Variants in EPB41L3 observed in about 807,000 individuals in gnomAD.
EPB41L3 encodes the protein band 4.1-like protein 3.
A neutral mutation model predicts 127.1 loss-of-function variants in EPB41L3; 57 were observed. That is an observed-to-expected ratio of 0.45 (90% CI 0.36 to 0.56). EPB41L3 has a LOEUF of 0.56. EPB41L3 is among the 20% of genes least tolerant of loss of function. The probability of loss-of-function intolerance (pLI) is 0.00; values close to 1 mark genes in which losing one functional copy is unlikely to be tolerated. For missense variants in EPB41L3, 1,273 were observed against 1,372.2 expected, an observed-to-expected ratio of 0.93 and a Z score of 1.14; for synonymous variants, 572 against 549.5, an observed-to-expected ratio of 1.04 and a Z score of -0.57.
intron 12 of EPB41L3, among the ~76,000 whole-genome samples, chr18:5,416,627 G>A (rs1279116091): frequency 1.3e-5 from 2 of 152,178 alleles, no homozygotes; most frequent in African/African-American, 4.8e-5. Context: ...AGAACAGAAG[G>A]TATTTGTGGG....
chr18:5,418,039 G>A (rs1449780553), intron 12 of EPB41L3, among the ~76,000 whole-genome samples: 5 of 152,156 alleles, frequency 3.3e-5, no homozygotes, highest in African/African-American at 1.2e-4. Context: ...TACCCTCTGC[G>A]TTACTTTTTG....
chr18:5,533,217 ACACGGC>A (rs1422486595), intron 1 of EPB41L3, among the ~76,000 whole-genome samples: 1 of 152,192 alleles, frequency 6.6e-6, no homozygotes, highest in Admixed American at 6.5e-5. Flanking sequence ...TTGCGCCAAG[ACACGGC>A]CATGCTGTCA....
intron 11 of EPB41L3, among the ~76,000 whole-genome samples, chr18:5,422,623 A>G (rs1301597188): frequency 6.6e-6 from 1 of 152,236 alleles, no homozygotes; most frequent in Admixed American, 6.5e-5. Context: ...ATTCAGTTCC[A>G]GAGTATTGTT....
At chr18:5,595,554 A>C (rs1456093589) in intron 3 of EPB41L3, among the ~76,000 whole-genome samples, 1 of 152,198 alleles carries the variant, frequency 6.6e-6, no homozygotes, top group Non-Finnish European at 1.5e-5. Context: ...ATTTCCTGGC[A>C]GAAGGAATCT....
chr18:5,572,374 A>G (rs1486021257), intron 3 of EPB41L3, among the ~76,000 whole-genome samples: 2 of 152,162 alleles, frequency 1.3e-5, no homozygotes, highest in East Asian at 1.9e-4. Context: ...TTTGCTTCCC[A>G]TATTTTCTTT....
intron 13 of EPB41L3, 71 bp from the exon 14 acceptor site, chr18:5,410,690 C>T (rs1264488323): frequency 1.7e-5 from 21 of 1,250,204 alleles, no homozygotes; most frequent in South Asian, 2.5e-5. Context: ...TGGTTAAACA[C>T]GCTCTGGCAC....
chr18:5,410,543 C>T (rs1181912774), intron 14 of EPB41L3, 23 bp downstream of exon 14: 2 of 1,606,024 alleles, frequency 1.2e-6, no homozygotes, highest in East Asian at 2.2e-5. Flanking sequence ...CCACTACCAG[C>T]CACTCTCAGC....
chr18:5,414,707 C>T (rs2076587818), intron 13 of EPB41L3, among the ~76,000 whole-genome samples: 1 of 152,166 alleles, frequency 6.6e-6, no homozygotes, highest in South Asian at 2.1e-4. Context: ...GCGCGCATGA[C>T]AGCAGCCAGG....
chr18:5,571,246 A>T (rs1258699222), intron 3 of EPB41L3, among the ~76,000 whole-genome samples: 1 of 152,240 alleles, frequency 6.6e-6, no homozygotes, highest in Non-Finnish European at 1.5e-5. Flanking sequence ...GTTGAATTAA[A>T]TTCTATTTTC....
intron 3 of EPB41L3, chr18:5,567,326 C>T (rs899303105): frequency 6.6e-6 from 1 of 152,254 alleles, no homozygotes; most frequent in Admixed American, 6.5e-5. Flanking sequence ...GTGCTGACTT[C>T]GAGAAAACAA....
rs150536136 is a variant in EPB41L3, at chr18:5,559,392, A to G, written c.-306+52948T>C. ...CCACCCGCCTTGCAAGGACAGAGAA[A>G]TCTTACACTGGAGCTGTGAACACCC... On this transcript the variant is annotated intron_variant, in intron 3 of 21. Coordinates refer to the EPB41L3 transcript ENST00000545076. Among the ~76,000 whole-genome samples, 53 of 152,320 alleles carry G rather than the reference A, an allele frequency of 3.5e-4. 1 individual carries two copies. The East Asian group carries it at 8.3e-3, about 24-fold the overall frequency.
intron 18 of EPB41L3, 27 bp from the exon 19 acceptor site, chr18:5,396,359 G>A (rs2073459980): frequency 5.0e-6 from 8 of 1,613,806 alleles, no homozygotes; most frequent in Non-Finnish European, 6.8e-6. Context: ...TAAGCAGAGT[G>A]GCTGTTATAG....
intron 3 of EPB41L3, among the ~76,000 whole-genome samples, chr18:5,448,866 C>G: frequency 6.6e-6 from 1 of 152,282 alleles, no homozygotes; most frequent in African/African-American, 2.4e-5. Context: ...AATGGACATA[C>G]TGAGTCCAAC....
intron 1 of EPB41L3, among the ~76,000 whole-genome samples, chr18:5,509,502 A>C (rs1049885263): frequency 6.6e-6 from 1 of 152,238 alleles, no homozygotes; most frequent in Non-Finnish European, 1.5e-5. Context: ...TTGGTACTTT[A>C]GAATCACACT....
chr18:5,609,255 C>A (rs1261055614), intron 3 of EPB41L3, among the ~76,000 whole-genome samples: 3 of 152,130 alleles, frequency 2.0e-5, no homozygotes, highest in South Asian at 2.1e-4. Context: ...CCATGCTAAA[C>A]CCTTTAAGAA....
chr18:5,544,356 A>G (rs2093840309), upstream of EPB41L3: 1 of 981,526 alleles, frequency 1.0e-6, no homozygotes, highest in Non-Finnish European at 1.2e-6. Context: ...GAAAGGAGGG[A>G]GAGGGTGTTC....
At chr18:5,394,466 C>T (rs1200461759) in intron 22 of EPB41L3, 13 of 512,488 alleles carry the variant, frequency 2.5e-5, no homozygotes, top group Non-Finnish European at 4.2e-5. Flanking sequence ...CCTTTATCCT[C>T]TAACTGGCAG....
chr18:5,491,801 C>T (rs1328940774), intron 1 of EPB41L3, among the ~76,000 whole-genome samples: 1 of 152,136 alleles, frequency 6.6e-6, no homozygotes, highest in Non-Finnish European at 1.5e-5. Context: ...AGTAATAAAA[C>T]TTTAAAATGT....
At chr18:5,519,539 G>A (rs2092901446) in intron 1 of EPB41L3, among the ~76,000 whole-genome samples, 2 of 152,274 alleles carry the variant, frequency 1.3e-5, no homozygotes, top group East Asian at 1.9e-4. Flanking sequence ...TCAAACTGCT[G>A]AACTCCTTTT....
Sources: gnomAD v4.1 joint callset for allele counts (sites outside exome capture counted in the v4.1 genomes callset) on GRCh38, gnomAD v4.1.1 for gene constraint, MANE v1.5 for transcripts, NCBI Gene and HGNC (gene_info 2026-07-23, HGNC 2026-07-21) for gene names.